The following HEXB variants were observed in gnomAD, a reference collection of about 807,000 sequenced individuals.
The protein encoded by HEXB is beta-hexosaminidase subunit beta.
In HEXB, 51 loss-of-function variants were observed where a neutral mutation model predicts 71.2. That is an observed-to-expected ratio of 0.72 (90% CI 0.57 to 0.90). The LOEUF (loss-of-function observed/expected upper bound fraction) is 0.90, where lower values mean the gene tolerates loss of function less well. Among genes scored for constraint, HEXB ranks in the 40% least tolerant of loss-of-function variants. The pLI, the probability that HEXB is intolerant of heterozygous loss-of-function variation, is 0.00. For missense variants in HEXB, 617 were observed against 677.0 expected, an observed-to-expected ratio of 0.91 and a Z score of 0.98; for synonymous variants, 266 against 249.3, an observed-to-expected ratio of 1.07 and a Z score of -0.63.
At chr5:74,720,614 T>TGC in intron 12 of HEXB, 29 bp from the exon 13 acceptor site, 1 of 1,604,496 alleles carries the variant, frequency 6.2e-7, no homozygotes, top group Non-Finnish European at 8.5e-7. Context: ...TTAAACTGCT[T>TGC]GCGGGGGGAT....
chr5:74,714,625 T>C lies in HEXB; in HGVS notation c.902-885T>C, dbSNP rs149416438. 2.6e-4 allele frequency among the ~76,000 whole-genome samples: 39 copies of C among 152,352 alleles called. No individual in the cohort carries two copies. The East Asian group carries it at 7.1e-3, about 28-fold the overall frequency. On this transcript the variant is annotated intron_variant, in intron 7 of 13. Coordinates refer to ENST00000261416, the MANE Select transcript of HEXB (RefSeq NM_000521.4). Reference sequence around the variant, plus strand: ...GGTTTGAATCTTGCTTCTGCCATTATAAACTAGGTGACCTTGGGCAAGTTA... The same window carrying C: ...GGTTTGAATCTTGCTTCTGCCATTACAAACTAGGTGACCTTGGGCAAGTTA...
At position 74,721,101 on chromosome 5, in the gene HEXB, A is replaced by ATTCATGTTATCTACAGAC. The variant is rs1554037309; in HGVS notation, c.1614-16_1615dup. ...ATCTAAATCAATCTAAAATATCTTT[A>ATTCATGTTATCTACAGAC]TTCATGTTATCTACAGACGTGGAAT... On this transcript the variant is annotated splice_polypyrimidine_tract_variant and intron_variant, in intron 13 of 13. Transcript: ENST00000261416. The ATTCATGTTATCTACAGAC allele has an allele frequency of 1.6e-5, 26 of 1,581,040 alleles. No homozygotes were observed. The highest frequency in any genetic ancestry group is 2.1e-5 in the Non-Finnish European group (24 of 1,150,212).
At chr5:74,701,026 T>A (rs1027570213) in intron 5 of HEXB, among the ~76,000 whole-genome samples, 1 of 151,844 alleles carries the variant, frequency 6.6e-6, no homozygotes, top group Admixed American at 6.6e-5. Flanking sequence ...TTATTTTTAT[T>A]TTTTAGCAAA....
intron 1 of HEXB, among the ~76,000 whole-genome samples, chr5:74,679,473 C>A (rs1411087359): frequency 6.6e-6 from 1 of 152,106 alleles, no homozygotes; most frequent in Non-Finnish European, 1.5e-5. Context: ...TTCAGGGTGA[C>A]TTCTAGCATG....
chr5:74,650,704 G>A (rs1331211796), intron 1 of HEXB, among the ~76,000 whole-genome samples: 10 of 152,012 alleles, frequency 6.6e-5, no homozygotes, highest in Non-Finnish European at 1.2e-4. Flanking sequence ...GGTGGATCAC[G>A]GGGTCAGGAG....
rs200962082 is a variant in HEXB at position 74,696,720 on chromosome 5, A to G, written c.539A>G (p.Tyr180Cys). Reference protein sequence around the residue: ...RGLETFSQLVYQDSYGTFTIN... With the variant: ...RGLETFSQLVCQDSYGTFTIN... Reference sequence around the variant, plus strand: ...TTAGAGACCTTTAGCCAGTTAGTTTATCAAGATTCTTATGGAACTGTAAGT... The same window carrying G: ...TTAGAGACCTTTAGCCAGTTAGTTTGTCAAGATTCTTATGGAACTGTAAGT... The change falls in exon 4 of 14, where the codon TAT (tyrosine) becomes TGT (cysteine). Residue 180 changes from tyrosine (Y) to cysteine (C), a missense_variant. Tyr to Cys is a radical substitution (Grantham distance 194, BLOSUM62 -2). Coordinates refer to ENST00000261416, the MANE Select transcript of HEXB (RefSeq NM_000521.4). The G allele has an allele frequency of 8.7e-5, 126 of 1,447,390 alleles. 1 individual carries two copies. The highest frequency in any genetic ancestry group is 1.2e-4 in the Non-Finnish European group (121 of 1,029,252). The allele number at this position is 1,447,390 out of a possible 1,614,324, so 89.7% of individuals were successfully genotyped here. A position where few individuals can be genotyped will look rare whatever the true frequency, so the allele number is the denominator to read the frequency against.
chr5:74,699,380 T>C (rs903065846), intron 5 of HEXB, among the ~76,000 whole-genome samples: 1 of 149,422 alleles, frequency 6.7e-6, no homozygotes, highest in African/African-American at 2.5e-5. Flanking sequence ...GTTCAAGCAA[T>C]TCTCTTGCCT....
At chr5:74,665,755 C>T (rs1278160006) in intron 1 of HEXB, among the ~76,000 whole-genome samples, 4 of 152,002 alleles carry the variant, frequency 2.6e-5, no homozygotes, top group Admixed American at 6.6e-5. Context: ...TTTTATATAC[C>T]GAATTCTTTT....
chr5:74,721,183 A>AG lies in HEXB; in HGVS notation c.*12dup, dbSNP rs781675849. The AG allele has an allele frequency of 1.2e-6, 2 of 1,608,126 alleles. No individual in the cohort carries two copies. The highest frequency in any genetic ancestry group is 1.1e-5 in the South Asian group (1 of 90,960). ...AACCATGAGAACATGTAAAAAATGG[A>AG]GGGGAAAAAGGCCACAGCAATCTGT... On this transcript the variant is annotated 3_prime_UTR_variant, in exon 14 of 14. Coordinates refer to ENST00000261416, the MANE Select transcript of HEXB (RefSeq NM_000521.4).
chr5:74,664,430 T>TTAAAAAAAAAAAAAAAAAAAAA (rs768901546), intron 1 of HEXB, among the ~76,000 whole-genome samples: 1 of 79,634 alleles, frequency 1.3e-5, no homozygotes, highest in Non-Finnish European at 2.4e-5. Flanking sequence ...ATTCTATCTC[T>TTAAAAAAAAAAAAAAAAAAAAA]AAAAAAAAAA....
intron 1 of HEXB, among the ~76,000 whole-genome samples, chr5:74,650,298 T>TC (rs778006231): frequency 6.6e-6 from 1 of 152,198 alleles, no homozygotes; most frequent in Non-Finnish European, 1.5e-5. Context: ...TAATAAAACA[T>TC]TTTTCCTACA....
chr5:74,660,053 G>C (rs1356104232), intron 1 of HEXB, among the ~76,000 whole-genome samples: 1 of 148,468 alleles, frequency 6.7e-6, no homozygotes, highest in Non-Finnish European at 1.5e-5. Flanking sequence ...AGGGAGAGGA[G>C]AGACCCTAAT....
upstream of HEXB, among the ~76,000 whole-genome samples, chr5:74,684,838 C>T (rs548534277): frequency 5.9e-5 from 9 of 152,168 alleles, no homozygotes; most frequent in African/African-American, 1.4e-4. Flanking sequence ...CCATCATGCT[C>T]GGCTAATTTT....
At chr5:74,674,998 T>C (rs1473886753) in intron 1 of HEXB, among the ~76,000 whole-genome samples, 3 of 152,202 alleles carry the variant, frequency 2.0e-5, no homozygotes, top group African/African-American at 7.2e-5. Flanking sequence ...GAAAAAATTA[T>C]TTGGACACCT....
intron 1 of HEXB, among the ~76,000 whole-genome samples, chr5:74,653,789 G>A (rs754875932): frequency 6.6e-6 from 1 of 152,112 alleles, no homozygotes; most frequent in African/African-American, 2.4e-5. Flanking sequence ...AGGCACAATG[G>A]AAAGATAGCA....
At chr5:74,678,229 C>T (rs1475611262) in intron 1 of HEXB, among the ~76,000 whole-genome samples, 3 of 151,828 alleles carry the variant, frequency 2.0e-5, no homozygotes, top group Non-Finnish European at 2.9e-5. Flanking sequence ...ACCCAGAAGG[C>T]GGAGGTTGCA....
chr5:74,667,483 G>C (rs897932606), intron 1 of HEXB, among the ~76,000 whole-genome samples: 2 of 152,218 alleles, frequency 1.3e-5, no homozygotes, highest in African/African-American at 4.8e-5. Flanking sequence ...GTCTCTTCAG[G>C]CATTACAACA....
chr5:74,705,569 C>T (rs1241152029), intron 6 of HEXB: 2 of 480,584 alleles, frequency 4.2e-6, no homozygotes, highest in East Asian at 7.9e-5. Context: ...CGAAATTTAA[C>T]AAGGTAGAAG....
At chr5:74,665,066 A>C (rs1304789893) in intron 1 of HEXB, among the ~76,000 whole-genome samples, 1 of 152,218 alleles carries the variant, frequency 6.6e-6, no homozygotes, top group Non-Finnish European at 1.5e-5. Flanking sequence ...TTTTCACATA[A>C]AGATATTTAT....
Sources: gnomAD v4.1 joint callset for allele counts (sites outside exome capture counted in the v4.1 genomes callset) on GRCh38, gnomAD v4.1.1 for gene constraint, MANE v1.5 for transcripts, NCBI Gene and HGNC (gene_info 2026-07-23, HGNC 2026-07-21) for gene names.